NFIB: variants seen among roughly 807,000 people sequenced by gnomAD.
The protein encoded by NFIB is nuclear factor I B, also known as nuclear factor 1 B-type.
Under a neutral mutation model 61.5 loss-of-function variants are expected in NFIB, and 11 were observed. The observed-to-expected ratio is 0.18, with a 90% CI of 0.11 to 0.30. The LOEUF (loss-of-function observed/expected upper bound fraction) is 0.30. Ranked by LOEUF, NFIB falls within the 10% of genes least tolerant of loss-of-function variation. The pLI is 1.00. For missense variants in NFIB, 471 were observed against 608.9 expected (o/e 0.77, Z 2.38); for synonymous variants, 260 against 216.5 (o/e 1.20, Z -1.76).
At chr9:14,459,254 C>T in the NFIB span, among the ~76,000 whole-genome samples, 3 of 152,146 alleles carry the variant, frequency 2.0e-5, no homozygotes, top group Non-Finnish European at 4.4e-5. Context: ...CTGCCAAAAA[C>T]AAGAAATGGG....
chr9:14,115,359 C>T (rs368697539), intron 9 of NFIB, among the ~76,000 whole-genome samples: 29 of 151,974 alleles, frequency 1.9e-4, no homozygotes, highest in Admixed American at 1.2e-3. Flanking sequence ...TCCACCAATT[C>T]GATAGCTTTA....
the NFIB span, among the ~76,000 whole-genome samples, chr9:14,510,547 T>C: frequency 9.6e-3 from 1,463 of 152,372 alleles, 29 homozygotes; most frequent in African/African-American, 0.034. Flanking sequence ...ATATAACATA[T>C]TATAACTGCA....
At chr9:14,259,269 T>C (rs534232204) in intron 2 of NFIB, among the ~76,000 whole-genome samples, 3 of 152,312 alleles carry the variant, frequency 2.0e-5, no homozygotes, top group South Asian at 2.1e-4. Context: ...TGAAAAGGCC[T>C]AAGGAAGTGA....
intron 2 of NFIB, among the ~76,000 whole-genome samples, chr9:14,203,994 C>T (rs1013113480): frequency 3.9e-5 from 6 of 152,102 alleles, no homozygotes; most frequent in Non-Finnish European, 7.4e-5. Context: ...TACAGAGAAG[C>T]ATAAGCAAAG....
intron 2 of NFIB, among the ~76,000 whole-genome samples, chr9:14,259,496 T>A (rs2056542276): frequency 6.6e-6 from 1 of 152,160 alleles, no homozygotes; most frequent in Admixed American, 6.5e-5. Context: ...GAGTCTTGGG[T>A]ATGAAGAGGG....
At chr9:14,148,747 T>C (rs2131138272) in intron 5 of NFIB, among the ~76,000 whole-genome samples, 1 of 152,328 alleles carries the variant, frequency 6.6e-6, no homozygotes, top group South Asian at 2.1e-4. Context: ...AGTACATTTG[T>C]AGATACTCAT....
At chr9:14,306,289 G>C (rs1176239619) in intron 2 of NFIB, among the ~76,000 whole-genome samples, 1 of 152,058 alleles carries the variant, frequency 6.6e-6, no homozygotes, top group Non-Finnish European at 1.5e-5. Context: ...TTACATACAA[G>C]TAAACTAACA....
intron 2 of NFIB, among the ~76,000 whole-genome samples, chr9:14,281,826 C>T (rs1266761315): frequency 6.6e-6 from 1 of 151,898 alleles, no homozygotes; most frequent in African/African-American, 2.4e-5. Flanking sequence ...CATGCACACA[C>T]ACACACGTGC....
intron 3 of NFIB, among the ~76,000 whole-genome samples, chr9:14,174,943 T>A (rs1340715797): frequency 6.6e-6 from 1 of 152,040 alleles, no homozygotes; most frequent in Non-Finnish European, 1.5e-5. Context: ...ACTAAGTTTG[T>A]CCTAAATTCT....
At chr9:14,419,617 C>G in the NFIB span, among the ~76,000 whole-genome samples, 2 of 152,126 alleles carry the variant, frequency 1.3e-5, no homozygotes, top group Non-Finnish European at 2.9e-5. Flanking sequence ...GCTGGCCCAG[C>G]TCACAGAACT....
At chr9:14,292,918 A>T (rs1200647037) in intron 2 of NFIB, among the ~76,000 whole-genome samples, 1 of 152,096 alleles carries the variant, frequency 6.6e-6, no homozygotes, top group East Asian at 1.9e-4. Flanking sequence ...CTTAATAAAC[A>T]AAAAAAATTA....
At chr9:14,478,540 C>A in the NFIB span, among the ~76,000 whole-genome samples, 1 of 152,148 alleles carries the variant, frequency 6.6e-6, no homozygotes, top group Non-Finnish European at 1.5e-5. Flanking sequence ...ATATAGAAAT[C>A]ACTTGGGTAT....
rs150568782 is a variant in NFIB at position 14,212,553 on chromosome 9, G to A, written c.563-32773C>T. Reference sequence around the variant, plus strand: ...AGATTTGGGAATTTCTAATAAAATTGTCCATATTGTTTGAATGGGTTCACC... The same window carrying A: ...AGATTTGGGAATTTCTAATAAAATTATCCATATTGTTTGAATGGGTTCACC... On this transcript the variant is annotated intron_variant, in intron 2 of 10. Coordinates refer to ENST00000380953, the MANE Select transcript of NFIB (RefSeq NM_001190737.2). 1.4e-3 allele frequency among the ~76,000 whole-genome samples: 218 copies of A among 151,862 alleles called. 3 individuals are homozygous for A. In the Middle Eastern group the frequency reaches 0.027, roughly 19 times the overall value.
chr9:14,181,050 C>A (rs899438368), intron 2 of NFIB, among the ~76,000 whole-genome samples: 1 of 152,040 alleles, frequency 6.6e-6, no homozygotes, highest in African/African-American at 2.4e-5. Context: ...TTTTTTTCAT[C>A]GGGGTTATTC....
intron 2 of NFIB, among the ~76,000 whole-genome samples, chr9:14,265,905 C>T (rs563116260): frequency 2.8e-4 from 42 of 152,310 alleles, no homozygotes; most frequent in African/African-American, 9.9e-4. Context: ...ATAGGGGGAA[C>T]AGCCAGCTTC....
Position 14,085,049 on chromosome 9 carries a change from G to GA in NFIB, c.*3259dup, listed in dbSNP as rs1359224317. On this transcript the variant is annotated 3_prime_UTR_variant, in exon 11 of 11. Coordinates refer to ENST00000380953, the MANE Select transcript of NFIB (RefSeq NM_001190737.2). ...TTCACCTAATAGGTCAAAGATACAT[G>GA]AAGAGCTTGGCTGAGATGATCTGTT... 4.4e-6 allele frequency: 1 copy of GA among 227,692 alleles called. No homozygotes were observed. The highest frequency in any genetic ancestry group is 2.2e-5 in the African/African-American group (1 of 45,030). The allele number at this position is 227,692 out of a possible 1,614,324, so 14.1% of individuals were successfully genotyped here. A position where few individuals can be genotyped will look rare whatever the true frequency, so the allele number is the denominator to read the frequency against.
intron 6 of NFIB, among the ~76,000 whole-genome samples, chr9:14,137,354 A>C (rs1374315816): frequency 6.6e-6 from 1 of 152,214 alleles, no homozygotes; most frequent in Admixed American, 6.6e-5. Flanking sequence ...CCAAGCACAT[A>C]AGCAGCCCAA....
the NFIB span, among the ~76,000 whole-genome samples, chr9:14,475,374 T>C: frequency 6.6e-6 from 1 of 152,124 alleles, no homozygotes; most frequent in Admixed American, 6.5e-5. Context: ...TGTGATAAAA[T>C]GAAGAGGCTA....
chr9:14,320,834 T>C (rs1397694751), intron 1 of NFIB, among the ~76,000 whole-genome samples: 1 of 152,180 alleles, frequency 6.6e-6, no homozygotes, highest in Non-Finnish European at 1.5e-5. Flanking sequence ...TCCCGCCTAT[T>C]GGAAGTTAAA....
Sources: allele counts gnomAD v4.1 joint callset (sites outside exome capture counted in the v4.1 genomes callset), GRCh38; gene constraint gnomAD v4.1.1; transcripts MANE v1.5; gene names NCBI Gene and HGNC (gene_info 2026-07-23, HGNC 2026-07-21).